The following RBFOX1 variants were observed in gnomAD, a reference collection of about 807,000 sequenced individuals.
The protein encoded by RBFOX1 is RNA binding fox-1 homolog 1.
In RBFOX1, 8 loss-of-function variants were observed where a neutral mutation model predicts 57.7. That is an observed-to-expected ratio of 0.14 (90% confidence interval 0.08 to 0.25). The LOEUF (loss-of-function observed/expected upper bound fraction) is 0.25, where lower values mean the gene tolerates loss of function less well. RBFOX1 is among the 10% of genes least tolerant of loss of function. RBFOX1 has a pLI of 1.00. For synonymous variants in RBFOX1, 326 were observed against 222.4 expected (o/e 1.47, Z -4.15); for missense variants, 611 against 548.5 (o/e 1.11, Z -1.14).
At chr16:5,851,783 C>T (rs1029458030) in intron 3 of RBFOX1, among the ~76,000 whole-genome samples, 14 of 152,118 alleles carry the variant, frequency 9.2e-5, no homozygotes, top group African/African-American at 3.4e-4. Context: ...ACAGGAAAAC[C>T]GCAAGTTTAG....
chr16:7,167,185 C>A (rs1056434374), intron 4 of RBFOX1, among the ~76,000 whole-genome samples: 2 of 151,258 alleles, frequency 1.3e-5, no homozygotes, highest in African/African-American at 2.4e-5. Flanking sequence ...GGGATTTCTC[C>A]GTGTTGGCCA....
intron 4 of RBFOX1, among the ~76,000 whole-genome samples, chr16:7,384,407 G>A (rs559535941): frequency 6.6e-5 from 10 of 152,088 alleles, no homozygotes; most frequent in African/African-American, 9.7e-5. Flanking sequence ...CAAAAACATG[G>A]CTCTCCTGGT....
intron 4 of RBFOX1, among the ~76,000 whole-genome samples, chr16:7,474,368 C>A (rs1165188551): frequency 6.6e-6 from 1 of 152,114 alleles, no homozygotes; most frequent in East Asian, 1.9e-4. Flanking sequence ...GGCCTCTTCT[C>A]ACCTTTTTGT....
At chr16:5,556,585 C>A (rs1241190844) in intron 2 of RBFOX1, among the ~76,000 whole-genome samples, 2 of 152,216 alleles carry the variant, frequency 1.3e-5, no homozygotes, top group African/African-American at 4.8e-5. Flanking sequence ...GAGATGTTTA[C>A]TGGGGTTGCT....
At chr16:7,145,030 T>G (rs534617625) in intron 4 of RBFOX1, among the ~76,000 whole-genome samples, 43 of 152,276 alleles carry the variant, frequency 2.8e-4, no homozygotes, top group Non-Finnish European at 5.1e-4. Context: ...GGTTTTGTTC[T>G]GGGCAAATCC....
intron 12 of RBFOX1, among the ~76,000 whole-genome samples, chr16:7,659,378 C>G (rs547218268): frequency 6.6e-5 from 10 of 152,290 alleles, no homozygotes; most frequent in African/African-American, 2.4e-4. Context: ...CTGGTTTTAT[C>G]TTCTAAATAT....
At chr16:6,316,439 A>C (rs1289717002) in intron 1 of RBFOX1, among the ~76,000 whole-genome samples, 1 of 152,198 alleles carries the variant, frequency 6.6e-6, no homozygotes, top group African/African-American at 2.4e-5. Context: ...GCAAAATTAA[A>C]TCATTTCCAT....
rs532522904 is a variant in RBFOX1, at chr16:6,196,912, C to T, written c.-126-120083C>T. Among the ~76,000 whole-genome samples, 4 of 152,074 alleles carry T rather than the reference C, an allele frequency of 2.6e-5. No homozygotes were observed. In the South Asian group the frequency reaches 6.2e-4, roughly 24 times the overall value. ...TCTGTCCGCTGCCTACACTGGATTC[C>T]AGTAGCTGAAGTTGTGTAACATCAT... On this transcript the variant is annotated intron_variant, in intron 1 of 15. Coordinates refer to ENST00000550418, the MANE Select transcript of RBFOX1 (RefSeq NM_018723.4).
rs144231758 is a variant in RBFOX1, at chr16:7,081,048, T to C, written c.27+28950T>C. Among the ~76,000 whole-genome samples, 409 of 152,308 alleles carry C rather than the reference T, an allele frequency of 2.7e-3. 2 individuals carry two copies. The highest frequency in any genetic ancestry group is 9.6e-3 in the African/African-American group (400 of 41,566). On this transcript the variant is annotated intron_variant, in intron 4 of 15. Transcript: ENST00000550418. ...TAGCCACACTGGCTTTATTTTACTT[T>C]TTTTGAGGCAGAGTCTCACTCTGTC...
At chr16:5,646,569 G>C (rs1343538953) in intron 3 of RBFOX1, among the ~76,000 whole-genome samples, 1 of 152,126 alleles carries the variant, frequency 6.6e-6, no homozygotes, top group Non-Finnish European at 1.5e-5. Flanking sequence ...TATGTCAGAG[G>C]GTCGCAGTGT....
At chr16:7,344,681 C>G (rs916097236) in intron 4 of RBFOX1, among the ~76,000 whole-genome samples, 5 of 152,166 alleles carry the variant, frequency 3.3e-5, no homozygotes, top group African/African-American at 7.2e-5. Context: ...AGCATTCTGG[C>G]CAGACTTATT....
intron 1 of RBFOX1, among the ~76,000 whole-genome samples, chr16:6,161,952 C>T (rs576464604): frequency 1.3e-5 from 2 of 152,232 alleles, no homozygotes; most frequent in East Asian, 3.8e-4. Context: ...TGGAGGCCCT[C>T]TCAGTCCTTC....
intron 1 of RBFOX1, among the ~76,000 whole-genome samples, chr16:6,041,367 T>A (rs947520931): frequency 2.0e-5 from 3 of 152,160 alleles, no homozygotes; most frequent in African/African-American, 7.2e-5. Context: ...ATCAAAGAAT[T>A]TTCAGACATG....
intron 3 of RBFOX1, among the ~76,000 whole-genome samples, chr16:6,660,653 G>A (rs904166096): frequency 6.6e-6 from 1 of 152,086 alleles, no homozygotes; most frequent in African/African-American, 2.4e-5. Context: ...TTTAAATTGG[G>A]AGTGATACAA....
At chr16:7,523,434 C>T (rs370418651) in intron 5 of RBFOX1, among the ~76,000 whole-genome samples, 2 of 152,306 alleles carry the variant, frequency 1.3e-5, no homozygotes, top group East Asian at 3.9e-4. Context: ...GAGGCAGCAT[C>T]ATCAAAGGAA....
intron 2 of RBFOX1, among the ~76,000 whole-genome samples, chr16:6,465,989 G>T (rs1490201804): frequency 6.6e-6 from 1 of 152,058 alleles, no homozygotes; most frequent in African/African-American, 2.4e-5. Context: ...AGCATATTGA[G>T]AGGCTGAGGT....
chr16:5,727,409 C>G (rs976400164), intron 3 of RBFOX1, among the ~76,000 whole-genome samples: 2 of 152,150 alleles, frequency 1.3e-5, no homozygotes, highest in African/African-American at 4.8e-5. Flanking sequence ...CGATGTGATG[C>G]TCTGATGTAC....
chr16:6,567,524 G>A, intron 2 of RBFOX1, among the ~76,000 whole-genome samples: 1 of 152,088 alleles, frequency 6.6e-6, no homozygotes, highest in East Asian at 1.9e-4. Flanking sequence ...TCTCTGCTCT[G>A]TCACCTTCAT....
chr16:5,553,749 T>TACACATATA (rs2045563538), intron 2 of RBFOX1, among the ~76,000 whole-genome samples: 77 of 126,986 alleles, frequency 6.1e-4, no homozygotes, highest in East Asian at 1.9e-3. Flanking sequence ...ATGTGTGTAT[T>TACACATATA]TATGTATATA....
Sources: gnomAD v4.1 joint callset for allele counts (sites outside exome capture counted in the v4.1 genomes callset) on GRCh38, gnomAD v4.1.1 for gene constraint, MANE v1.5 for transcripts, NCBI Gene and HGNC (gene_info 2026-07-23, HGNC 2026-07-21) for gene names.